Variants in MCM8 observed in about 807,000 individuals in gnomAD.
MCM8 encodes DNA helicase MCM8.
Under a neutral mutation model 98.9 loss-of-function variants are expected in MCM8, and 85 were observed. The ratio of observed to expected loss-of-function variants is 0.86; its 90% CI spans 0.72 to 1.03. The LOEUF (loss-of-function observed/expected upper bound fraction) is 1.03. Ranked by LOEUF, MCM8 falls within the 50% of genes least tolerant of loss-of-function variation. The pLI, the probability that MCM8 is intolerant of heterozygous loss-of-function variation, is 0.00. For missense variants in MCM8, 951 were observed against 997.8 expected (o/e 0.95, Z 0.63); for synonymous variants, 352 against 338.6 (o/e 1.04, Z -0.44).
At chr20:5,965,834 G>A (rs1414780141) in intron 8 of MCM8, among the ~76,000 whole-genome samples, 3 of 151,792 alleles carry the variant, frequency 2.0e-5, no homozygotes, top group African/African-American at 7.3e-5. Context: ...AATATACTAT[G>A]GAATACATGG....
In MCM8 at chr20:5,993,552, C is replaced by T. The variant is rs752036687; in HGVS notation, c.2287C>T (p.Arg763Ter). The T allele has an allele frequency of 4.4e-6, 7 of 1,584,964 alleles. No homozygotes were observed. Among genetic ancestry groups the T allele is most frequent in the Non-Finnish European group, 5.2e-6 (6 of 1,161,776 alleles). Residue 763 changes from arginine (R) to a stop codon, truncating the protein, a stop_gained, in exon 18 of 19, where the codon CGA (arginine) becomes TGA (stop). Coordinates refer to ENST00000610722, the MANE Select transcript of MCM8 (RefSeq NM_032485.6). LOFTEE classifies it high-confidence loss of function. ...SDEFGNLDFERSQHGSGMSNR... is the reference protein window; with the variant it reads ...SDEFGNLDFE ...TGAATTTGGGAACCTAGATTTTGAG[C>T]GATCCCAGCATGGTTCTGGAATGAG...
In MCM8 at chr20:5,994,833, C is replaced by G. The variant is rs1196790760; in HGVS notation, c.*442C>G. 4.9e-6 allele frequency: 2 copies of G among 404,240 alleles called. No individual in the cohort carries two copies. The highest frequency in any genetic ancestry group is 9.8e-6 in the Non-Finnish European group (2 of 204,564). The allele number at this position is 404,240 out of a possible 1,614,324, so 25.0% of individuals were successfully genotyped here. On this transcript the variant is annotated 3_prime_UTR_variant, in exon 19 of 19. Coordinates refer to ENST00000610722, the MANE Select transcript of MCM8 (RefSeq NM_032485.6). The stretch of plus-strand genomic sequence containing the variant: ...CTGAGGCAGGAGGATTCTTTGAGCC[C>G]AGGAGTTTGAGGTTACAGTGAGCCA...
chr20:5,950,923 C>CGGGA lies in MCM8; in HGVS notation c.-92_-89dup, dbSNP rs1300721845. The CGGGA allele has an allele frequency of 5.0e-5, 7 of 141,302 alleles. No homozygotes were observed. The highest frequency in any genetic ancestry group is 2.6e-4 in the South Asian group (1 of 3,844). 8.8% of individuals were successfully genotyped at this position (141,302 alleles called of 1,614,324 possible). A position where few individuals can be genotyped will look rare whatever the true frequency, so the allele number is the denominator to read the frequency against. ...CTCTTAGCCCCGTGGTGCTTCTCTA[C>CGGGA]GGGAGGGAGGGAGGGAGAATCCGGC... On this transcript the variant is annotated 5_prime_UTR_variant, in exon 1 of 19. Coordinates refer to ENST00000610722, the MANE Select transcript of MCM8 (RefSeq NM_032485.6).
chr20:5,978,031 G>A lies in MCM8; in HGVS notation c.1537+14G>A, dbSNP rs765320145. ...TTGGTGATCAAGGTGAGAGGCCAAA[G>A]GGAATAATTAGTGATTCTGGGACTT... is the stretch of plus-strand genomic sequence containing the variant. On this transcript the variant is annotated intron_variant, in intron 13 of 18. Transcript: ENST00000610722. 1 of 1,613,824 alleles carries A rather than the reference G, an allele frequency of 6.2e-7. No individual in the cohort carries two copies. Among genetic ancestry groups the A allele is most frequent in the Non-Finnish European group, 8.5e-7 (1 of 1,179,892 alleles).
chr20:5,970,321 T>G (rs987777443), intron 10 of MCM8, among the ~76,000 whole-genome samples: 1 of 152,186 alleles, frequency 6.6e-6, no homozygotes, highest in Non-Finnish European at 1.5e-5. Context: ...AAGCAATGAT[T>G]TGGATCAACA....
At chr20:5,961,264 C>T (rs1218775120) in intron 7 of MCM8, among the ~76,000 whole-genome samples, 1 of 152,086 alleles carries the variant, frequency 6.6e-6, no homozygotes, top group Non-Finnish European at 1.5e-5. Context: ...TTTATCCTGA[C>T]ACCATTTATT....
intron 17 of MCM8, among the ~76,000 whole-genome samples, chr20:5,992,245 C>T (rs1600316911): frequency 1.3e-5 from 2 of 152,262 alleles, no homozygotes; most frequent in East Asian, 1.9e-4. Context: ...TGTGTAACTT[C>T]TGGCAAGTCA....
chr20:5,987,356 T>A lies in MCM8; in HGVS notation c.2238T>A (p.Tyr746Ter). The change falls in exon 17 of 19, where the codon TAT becomes TAA. Residue 746 changes from tyrosine to a stop codon, truncating the protein, a stop_gained and splice_region_variant. Coordinates refer to ENST00000610722, the MANE Select transcript of MCM8 (RefSeq NM_032485.6). LOFTEE classifies it high-confidence loss of function. ...DAEDIVEIMK[Y>*]SMLGTYSDEF... ...AGGATATAGTGGAAATTATGAAATA[T>A]AGGTAAGATAAAAATTTCAAATTGT... is the stretch of plus-strand genomic sequence containing the variant. The A allele has an allele frequency of 1.4e-5, 22 of 1,606,986 alleles. No homozygotes were observed. Among genetic ancestry groups the A allele is most frequent in the Non-Finnish European group, 1.9e-5 (22 of 1,177,454 alleles).
At chr20:5,973,267 C>G (rs1288410482) in intron 12 of MCM8, 71 bp downstream of exon 12, 3 of 1,582,886 alleles carry the variant, frequency 1.9e-6, no homozygotes, top group African/African-American at 1.3e-5. Context: ...AGTGAATTTT[C>G]TCAAAGCATG....
At position 5,984,913 on chromosome 20, in the gene MCM8, T is replaced by G; in HGVS notation, c.1866T>G (p.Ser622Arg). ...CTGGAAAGCAGAGAACCATTAGCAG[T>G]GCCACAGTAGCTCGTATGAATAGTC... The part of the protein sequence containing the change: ...IRAGKQRTIS[S>R]ATVARMNSQD... Residue 622 changes from serine to arginine, a missense_variant, in exon 15 of 19, where the codon AGT (serine) becomes AGG (arginine). Ser to Arg is a moderately radical substitution (Grantham distance 110). Transcript: ENST00000610722. 1 of 1,614,134 alleles carries G rather than the reference T, an allele frequency of 6.2e-7. No individual in the cohort carries two copies. Among genetic ancestry groups the G allele is most frequent in the South Asian group, 1.1e-5 (1 of 91,084 alleles).
In MCM8 at chr20:5,970,883, A is replaced by G. The variant is rs547704162; in HGVS notation, c.1224-1124A>G. Reference sequence around the variant, plus strand: ...GATTGCCGTGGCACAATCAGAGCTCACTGTAGCTTCAAACTCCTGGCCTTA... The same window carrying G: ...GATTGCCGTGGCACAATCAGAGCTCGCTGTAGCTTCAAACTCCTGGCCTTA... On this transcript the variant is annotated intron_variant, in intron 10 of 18. Transcript: ENST00000610722. Among the ~76,000 whole-genome samples, 75 of 152,248 alleles carry G rather than the reference A, an allele frequency of 4.9e-4. 1 individual carries two copies. The highest frequency in any genetic ancestry group is 6.2e-4 in the South Asian group (3 of 4,826).
At chr20:5,970,436 C>T (rs1722384426) in intron 10 of MCM8, among the ~76,000 whole-genome samples, 1 of 152,160 alleles carries the variant, frequency 6.6e-6, no homozygotes, top group African/African-American at 2.4e-5. Flanking sequence ...GGACATAATC[C>T]TCCTGGGCCA....
chr20:5,986,298 A>G (rs1218807151), intron 16 of MCM8, among the ~76,000 whole-genome samples, 167 bp downstream of exon 16: 2 of 152,354 alleles, frequency 1.3e-5, no homozygotes, highest in South Asian at 4.1e-4. Context: ...CATGTCTATA[A>G]CATATCCAAG....
chr20:5,957,140 C>A lies in MCM8; in HGVS notation c.501C>A (p.Asp167Glu). 6.2e-7 allele frequency: 1 copy of A among 1,613,046 alleles called. No homozygotes were observed. Among genetic ancestry groups the A allele is most frequent in the Admixed American group, 1.7e-5 (1 of 59,924 alleles). ...GLAIHQVLTK[D>E]LERHAAELQA... ...GTCCTGTTTAGGTGTTAACTAAGGA[C>A]CTTGAAAGGCATGCAGCTGAGTTAC... Residue 167 changes from aspartate to glutamate, a missense_variant, in exon 6 of 19, where the codon GAC (aspartate) becomes GAA (glutamate). Transcript: ENST00000610722.
intron 12 of MCM8, among the ~76,000 whole-genome samples, chr20:5,977,577 G>T (rs1158015935): frequency 2.6e-5 from 4 of 152,180 alleles, no homozygotes; most frequent in African/African-American, 9.7e-5. Context: ...AGCATAAATT[G>T]GAATTGTGTT....
rs1199468184 is a variant in MCM8 at position 5,994,522 on chromosome 20, C to CACACAG, written c.*132_*133insCACAGA. 1.2e-5 allele frequency: 7 copies of CACACAG among 571,292 alleles called. No individual in the cohort carries two copies. Among genetic ancestry groups the CACACAG allele is most frequent in the Non-Finnish European group, 1.5e-5 (5 of 325,436 alleles). 35.4% of individuals were successfully genotyped at this position (571,292 alleles called of 1,614,324 possible). On this transcript the variant is annotated 3_prime_UTR_variant, in exon 19 of 19. Transcript: ENST00000610722. ...ACACACACACACACACACACACACA[C>CACACAG]AGTCAAATACTGTTCTCTGAAAAAT...
intron 8 of MCM8, among the ~76,000 whole-genome samples, chr20:5,964,119 CTTTTT>C (rs11478703): frequency 0.26 from 32,186 of 124,130 alleles, 5,086 homozygotes; most frequent in African/African-American, 0.49. Flanking sequence ...TTTTTAATAG[CTTTTT>C]TTTTTTTTTT....
At chr20:5,957,578 A>G (rs2089020555) in intron 6 of MCM8, among the ~76,000 whole-genome samples, 1 of 152,198 alleles carries the variant, frequency 6.6e-6, no homozygotes, top group Non-Finnish European at 1.5e-5. Flanking sequence ...TCCAAAATTC[A>G]AAACTTTGAG....
chr20:5,994,744 A>AG lies in MCM8; in HGVS notation c.*353_*354insG, dbSNP rs1374636415. On this transcript the variant is annotated 3_prime_UTR_variant, in exon 19 of 19. Transcript: ENST00000610722. ...CAAGACCCCATTTCTTAAAAAAAAAAAAAAAAAATTTAAACTTAGCTGGGT... is the reference window on the plus strand; with the variant it reads ...CAAGACCCCATTTCTTAAAAAAAAAAGAAAAAAAATTTAAACTTAGCTGGGT... 1 of 453,026 alleles carries AG rather than the reference A, an allele frequency of 2.2e-6. No individual in the cohort carries two copies. The highest frequency in any genetic ancestry group is 4.4e-6 in the Non-Finnish European group (1 of 227,082). The allele number at this position is 453,026 out of a possible 1,614,324, so 28.1% of individuals were successfully genotyped here. A position where few individuals can be genotyped will look rare whatever the true frequency, so the allele number is the denominator to read the frequency against.
Sources: allele counts gnomAD v4.1 joint callset (sites outside exome capture counted in the v4.1 genomes callset), GRCh38; gene constraint gnomAD v4.1.1; transcripts MANE v1.5; gene names NCBI Gene and HGNC (gene_info 2026-07-23, HGNC 2026-07-21).